Variants in SPTBN1 observed in about 807,000 individuals in gnomAD.
SPTBN1 encodes the protein spectrin beta, non-erythrocytic 1, also known as spectrin beta chain, non-erythrocytic 1.
SPTBN1 carries 32 observed loss-of-function variants against 266.4 expected under a neutral mutation model. That is an observed-to-expected ratio of 0.12 (90% CI 0.09 to 0.16). SPTBN1 has a LOEUF of 0.16. SPTBN1 is among the 10% of genes least tolerant of loss of function. SPTBN1 has a pLI of 1.00. For missense variants in SPTBN1, 2,296 were observed against 3,067.1 expected (o/e 0.75, Z 5.94); for synonymous variants, 1,336 against 1,162.2 (o/e 1.15, Z -3.04).
At position 54,626,171 on chromosome 2, in the gene SPTBN1, C is replaced by T; in HGVS notation, c.1581C>T (p.Asn527=). 1.2e-6 allele frequency: 2 copies of T among 1,614,130 alleles called. No individual in the cohort carries two copies. Among genetic ancestry groups the T allele is most frequent in the Non-Finnish European group, 1.7e-6 (2 of 1,180,024 alleles). ...CCCGGAGACAGCGGCTCGAGATGAA[C>T]CTGGGGCTGCAGAAGATATTCCAGG... ...LRARRQRLEM[N]LGLQKIFQEM... is the part of the protein sequence containing the mutation. The change falls in exon 12 of 36, where the codon AAC becomes AAT. Residue 527 remains asparagine, a synonymous_variant. Coordinates refer to ENST00000356805, the MANE Select transcript of SPTBN1 (RefSeq NM_003128.3). This position sits in a 1 kb window ranked among gnomAD's most constrained non-coding sequence, Gnocchi z 4.7.
At chr2:54,622,857 C>G (rs1678085953) in intron 9 of SPTBN1, among the ~76,000 whole-genome samples, 1 of 152,154 alleles carries the variant, frequency 6.6e-6, no homozygotes, top group Non-Finnish European at 1.5e-5. Context: ...GGGACTAAGG[C>G]AATAGCCCAT....
chr2:54,662,072 G>A (rs1335567030), intron 32 of SPTBN1: 7 of 985,248 alleles, frequency 7.1e-6, no homozygotes, highest in Non-Finnish European at 8.4e-6. Context: ...TAGTTGTCAC[G>A]TTGCATTCAT....
At chr2:54,525,941 A>G (rs1558805909) in intron 1 of SPTBN1, among the ~76,000 whole-genome samples, 1 of 152,246 alleles carries the variant, frequency 6.6e-6, no homozygotes, top group Non-Finnish European at 1.5e-5. Context: ...CATGTTGGCC[A>G]GGCTGGCCTC....
At chr2:54,612,576 T>G (rs1677291509) in intron 4 of SPTBN1, among the ~76,000 whole-genome samples, 1 of 152,140 alleles carries the variant, frequency 6.6e-6, no homozygotes, top group Admixed American at 6.6e-5. Context: ...GTCAGACACA[T>G]CTCAGCGGCC....
intron 17 of SPTBN1, among the ~76,000 whole-genome samples, chr2:54,633,533 C>T (rs1376649857): frequency 3.3e-5 from 5 of 152,158 alleles, no homozygotes; most frequent in Middle Eastern, 3.4e-3. Flanking sequence ...TGCCTTGCCC[C>T]GGTTACTTAA....
chr2:54,492,830 A>G (rs144422400), intron 1 of SPTBN1, among the ~76,000 whole-genome samples: 186 of 151,938 alleles, frequency 1.2e-3, no homozygotes, highest in African/African-American at 4.2e-3. Context: ...AATAGAAATA[A>G]TAAAAGCTAT....
intron 1 of SPTBN1, among the ~76,000 whole-genome samples, chr2:54,485,592 C>A (rs1278349472): frequency 6.6e-6 from 1 of 152,238 alleles, no homozygotes; most frequent in African/African-American, 2.4e-5. Flanking sequence ...GCCGAGATTG[C>A]AGCCTCTGCC....
rs63629260 is a variant in SPTBN1, at chr2:54,668,798, T to A, written c.*229T>A. 3.6e-4 allele frequency: 183 copies of A among 502,230 alleles called. 2 individuals carry two copies. Among genetic ancestry groups the A allele is most frequent in the African/African-American group, 3.1e-3 (156 of 51,100 alleles). The allele number at this position is 502,230 out of a possible 1,614,324, so 31.1% of individuals were successfully genotyped here. On this transcript the variant is annotated 3_prime_UTR_variant, in exon 36 of 36. Coordinates refer to ENST00000356805, the MANE Select transcript of SPTBN1 (RefSeq NM_003128.3). ...CAGAGGGAAGGCCAGATTTTTTTTT[T>A]AATGAAATTATATAGATTAGATCTC...
At chr2:54,463,967 G>C (rs1261530806) in intron 1 of SPTBN1, among the ~76,000 whole-genome samples, 1 of 152,176 alleles carries the variant, frequency 6.6e-6, no homozygotes, top group East Asian at 1.9e-4. Flanking sequence ...GTCGATAACT[G>C]TAAGTTCAAA....
intron 2 of SPTBN1, among the ~76,000 whole-genome samples, chr2:54,596,552 C>T (rs1676106745): frequency 6.6e-6 from 1 of 152,154 alleles, no homozygotes; most frequent in African/African-American, 2.4e-5. Flanking sequence ...GGGGTGTGAA[C>T]CTGAGGAACT....
chr2:54,501,078 A>C (rs77533639), intron 1 of SPTBN1, among the ~76,000 whole-genome samples: 5,630 of 152,268 alleles, frequency 0.037, 144 homozygotes, highest in Admixed American at 0.089. Context: ...CTCTGATTAC[A>C]GATCTCTCGT....
At chr2:54,488,818 A>G (rs1476280255) in intron 1 of SPTBN1, among the ~76,000 whole-genome samples, 2 of 152,218 alleles carry the variant, frequency 1.3e-5, no homozygotes, top group African/African-American at 2.4e-5. Flanking sequence ...TAATGAAGTT[A>G]TTAATCTTAC....
At chr2:54,586,424 A>C (rs187803836) in intron 2 of SPTBN1, among the ~76,000 whole-genome samples, 1 of 152,358 alleles carries the variant, frequency 6.6e-6, no homozygotes, top group African/African-American at 2.4e-5. Context: ...TCTTCTCATT[A>C]AGTGGAATCT....
chr2:54,625,920 G>A lies in SPTBN1; in HGVS notation c.1342-12G>A, dbSNP rs771375597. 18 of 1,608,772 alleles carry A rather than the reference G, an allele frequency of 1.1e-5. No individual in the cohort carries two copies. Among genetic ancestry groups the A allele is most frequent in the South Asian group, 8.8e-5 (8 of 90,988 alleles). On this transcript the variant is annotated splice_polypyrimidine_tract_variant and intron_variant, in intron 11 of 35. Coordinates refer to ENST00000356805, the MANE Select transcript of SPTBN1 (RefSeq NM_003128.3). The stretch of plus-strand genomic sequence containing the variant: ...TTTTTATTTTCCTTCTTTTCATTCC[G>A]TTTCTCTGTAGGACAACTTTGGGTT...
chr2:54,659,754 C>T (rs1680913475), intron 31 of SPTBN1, among the ~76,000 whole-genome samples, 182 bp from the exon 32 acceptor site: 1 of 152,042 alleles, frequency 6.6e-6, no homozygotes, highest in Admixed American at 6.5e-5. Context: ...TTCCTGTAGT[C>T]GTATTTTTCT....
chr2:54,572,235 A>G (rs1465560539), intron 2 of SPTBN1, among the ~76,000 whole-genome samples: 1 of 152,128 alleles, frequency 6.6e-6, no homozygotes, highest in Non-Finnish European at 1.5e-5. Context: ...TTTGAATGAG[A>G]TGGGGCAAGA....
intron 1 of SPTBN1, among the ~76,000 whole-genome samples, chr2:54,493,683 T>C (rs1289417451): frequency 6.6e-6 from 1 of 152,262 alleles, no homozygotes; most frequent in Admixed American, 6.5e-5. Flanking sequence ...ATTACAGGCA[T>C]GAGCCACCAC....
Position 54,646,278 on chromosome 2 carries a change from A to G in SPTBN1, c.4669A>G (p.Ser1557Gly), listed in dbSNP as rs1422684321. ...CCAAAACATCGTCACTGACAGCAGC[A>G]GCCTCAGCGCTGAGGCCATCAGACA... ...RSQNIVTDSS[S>G]LSAEAIRQRL... Residue 1557 changes from serine to glycine, a missense_variant, in exon 23 of 36, where the codon AGC (serine) becomes GGC (glycine). Ser to Gly is a moderately conservative substitution (Grantham distance 56). This residue lies in a region of SPTBN1 where 644 missense variants were observed against 745.3 expected (regional missense o/e 0.86). Transcript: ENST00000356805. This position sits in a 1 kb window ranked among gnomAD's most constrained non-coding sequence, Gnocchi z 4.4. 3 of 1,614,204 alleles carry G rather than the reference A, an allele frequency of 1.9e-6. No individual in the cohort carries two copies. Among genetic ancestry groups the G allele is most frequent in the South Asian group, 2.2e-5 (2 of 91,088 alleles).
At chr2:54,647,832 G>A (rs2104084346) in intron 24 of SPTBN1, among the ~76,000 whole-genome samples, 1 of 152,274 alleles carries the variant, frequency 6.6e-6, no homozygotes, top group Non-Finnish European at 1.5e-5. Context: ...GACAGAGTGA[G>A]ACCTTGTCTC....
Sources: gnomAD v4.1 joint callset for allele counts (sites outside exome capture counted in the v4.1 genomes callset) on GRCh38, gnomAD v4.1.1 for gene constraint, gnomAD v4.1.1 regional missense constraint, Gnocchi (gnomAD v3.1) non-coding constraint, MANE v1.5 for transcripts, NCBI Gene and HGNC (gene_info 2026-07-23, HGNC 2026-07-21) for gene names.